Variants in RFC1 observed in about 807,000 individuals in gnomAD.
RFC1 encodes A1 140 kDa subunit.
A neutral mutation model predicts 137.4 loss-of-function variants in RFC1; 37 were observed. That is an observed-to-expected ratio of 0.27 (90% CI 0.21 to 0.35). RFC1 has a LOEUF of 0.35. RFC1 is among the 10% of genes least tolerant of loss of function. The pLI, the probability that RFC1 is intolerant of heterozygous loss-of-function variation, is 1.00. For synonymous variants in RFC1, 429 were observed against 455.7 expected, an observed-to-expected ratio of 0.94 and a Z score of 0.75; for missense variants, 1,205 against 1,358.5, an observed-to-expected ratio of 0.89 and a Z score of 1.78.
At chr4:39,337,486 G>C (rs933495565) in intron 4 of RFC1, among the ~76,000 whole-genome samples, 15 of 146,046 alleles carry the variant, frequency 1.0e-4, no homozygotes, top group Non-Finnish European at 1.3e-4. Context: ...CATTTACTTA[G>C]GTAATTTAAA....
intron 1 of RFC1, among the ~76,000 whole-genome samples, chr4:39,353,803 C>T (rs926879859): frequency 6.6e-6 from 1 of 152,162 alleles, no homozygotes; most frequent in African/African-American, 2.4e-5. Flanking sequence ...CACATACACA[C>T]AAAGACAGAG....
rs758283429 is a variant in RFC1, at chr4:39,302,487, A to G, written c.2436+13T>C. ...ATAATCAACAACTGTTACATGATAT[A>G]TATTTAATTTACCTGTCTGATATCT... On this transcript the variant is annotated intron_variant, in intron 18 of 24. Coordinates refer to ENST00000349703, the MANE Select transcript of RFC1 (RefSeq NM_002913.5). The G allele has an allele frequency of 7.1e-6, 11 of 1,544,042 alleles. No homozygotes were observed. The African/African-American group carries it at 1.2e-4, about 17-fold the overall frequency.
In RFC1 at chr4:39,317,014, A is replaced by G; in HGVS notation, c.1104T>C (p.Ser368=). The G allele has an allele frequency of 6.2e-7, 1 of 1,611,090 alleles. No individual in the cohort carries two copies. The highest frequency in any genetic ancestry group is 8.5e-7 in the Non-Finnish European group (1 of 1,177,560). ...KSSPAKKESV[S]PEDSEKKRTN... is the part of the protein sequence containing the mutation. Reference sequence around the variant, plus strand: ...TGCGTTTCTTTTCAGAATCTTCAGGACTTACAGACTTTGGGAACAGGGAAA... The same window carrying G: ...TGCGTTTCTTTTCAGAATCTTCAGGGCTTACAGACTTTGGGAACAGGGAAA... The change falls in exon 10 of 25, where the codon AGT becomes AGC. Residue 368 remains serine (S), a synonymous_variant. Transcript: ENST00000349703.
chr4:39,314,737 CCT>C (rs896428734), intron 10 of RFC1, among the ~76,000 whole-genome samples: 3 of 152,090 alleles, frequency 2.0e-5, no homozygotes, highest in Admixed American at 2.0e-4. Context: ...ACCATCTCTC[CCT>C]CTCTTTATTA....
chr4:39,364,969 A>T (rs1343306262), intron 1 of RFC1, among the ~76,000 whole-genome samples: 1 of 152,060 alleles, frequency 6.6e-6, no homozygotes, highest in Non-Finnish European at 1.5e-5. Context: ...AGCTTCCAAA[A>T]TACCACAGTG....
chr4:39,300,597 C>T (rs887048571), intron 19 of RFC1, among the ~76,000 whole-genome samples, 183 bp from the exon 20 acceptor site: 10 of 152,206 alleles, frequency 6.6e-5, no homozygotes, highest in Admixed American at 2.6e-4. Context: ...CCAGCAACCA[C>T]GCTTCTTGGT....
intron 7 of RFC1, 37 bp downstream of exon 7, chr4:39,323,303 G>C (rs745935857): frequency 5.1e-6 from 8 of 1,556,338 alleles, no homozygotes; most frequent in Non-Finnish European, 7.1e-6. Flanking sequence ...GATCTGTACT[G>C]TATATTCAGA....
rs768491668 is a variant in RFC1, at chr4:39,306,692, C to T, written c.1895G>A (p.Gly632Asp). 1.9e-6 allele frequency: 3 copies of T among 1,609,742 alleles called. No homozygotes were observed. The highest frequency in any genetic ancestry group is 1.1e-5 in the South Asian group (1 of 90,962). The change falls in exon 14 of 25, where the codon GGT (glycine) becomes GAT (aspartate). Residue 632 changes from glycine to aspartate, a missense_variant. Transcript: ENST00000349703. ...SSEDKKHAKF[G>D]KFSGKDDGSS... ...GCCATCATCTTTGCCGGAAAATTTA[C>T]CAAACTTTGCTGCTAGGAAAAAAGA...
At chr4:39,318,092 G>C (rs1371866036) in intron 9 of RFC1, 1 of 152,142 alleles carries the variant, frequency 6.6e-6, no homozygotes, top group Non-Finnish European at 1.5e-5. Flanking sequence ...AGGAGGCGGA[G>C]CTTGCAGTGA....
Position 39,291,723 on chromosome 4 carries a change from A to G in RFC1, c.3084T>C (p.Tyr1028=), listed in dbSNP as rs1397409518. ...TATTCTCAAAGTCTTCTTTCATCAA[A>G]TAATATGTGTCCATAAGTGCAACAA... ...QDVVALMDTY[Y]LMKEDFENIM... Residue 1028 remains tyrosine (Y), a synonymous_variant, in exon 23 of 25, where the codon TAT becomes TAC. Coordinates refer to ENST00000349703, the MANE Select transcript of RFC1 (RefSeq NM_002913.5). The G allele has an allele frequency of 6.2e-7, 1 of 1,614,128 alleles. No individual in the cohort carries two copies. The highest frequency in any genetic ancestry group is 8.5e-7 in the Non-Finnish European group (1 of 1,179,990).
At chr4:39,306,979 C>T (rs1299769195) in intron 13 of RFC1, among the ~76,000 whole-genome samples, 10 of 152,120 alleles carry the variant, frequency 6.6e-5, no homozygotes, top group African/African-American at 1.2e-4. Context: ...TTCCTGTGAA[C>T]GCACAGGCCA....
At chr4:39,306,102 T>C (rs762421500) in intron 14 of RFC1, among the ~76,000 whole-genome samples, 11 of 152,218 alleles carry the variant, frequency 7.2e-5, no homozygotes, top group Non-Finnish European at 1.3e-4. Flanking sequence ...TCAGTAGCAA[T>C]AGAGACAATA....
chr4:39,309,122 G>T, intron 12 of RFC1, 90 bp from the exon 13 acceptor site: 1 of 1,392,862 alleles, frequency 7.2e-7, no homozygotes, highest in Non-Finnish European at 9.6e-7. Flanking sequence ...AGCAATCAGA[G>T]ATATCCAAGT....
chr4:39,364,725 C>A (rs1363760447), intron 1 of RFC1, among the ~76,000 whole-genome samples: 1 of 152,092 alleles, frequency 6.6e-6, no homozygotes, highest in African/African-American at 2.4e-5. Flanking sequence ...GGAAGCTTTA[C>A]CTATACATCT....
chr4:39,338,922 C>T (rs957302819), intron 4 of RFC1, among the ~76,000 whole-genome samples: 1 of 152,112 alleles, frequency 6.6e-6, no homozygotes, highest in African/African-American at 2.4e-5. Context: ...CCATGTCCTC[C>T]CCAATGCCCC....
At chr4:39,320,077 C>T (rs189510001) in intron 9 of RFC1, among the ~76,000 whole-genome samples, 149 of 152,242 alleles carry the variant, frequency 9.8e-4, no homozygotes, top group African/African-American at 3.4e-3. Flanking sequence ...AGGCCGGGCG[C>T]GGTGGCTCAC....
At chr4:39,298,182 C>G (rs776916331) in intron 21 of RFC1, among the ~76,000 whole-genome samples, 1 of 152,046 alleles carries the variant, frequency 6.6e-6, no homozygotes, top group Non-Finnish European at 1.5e-5. Context: ...ATGGCGCACA[C>G]CTATGGTCCC....
chr4:39,302,393 T>C lies in RFC1; in HGVS notation c.2437-17A>G. 3 of 1,589,822 alleles carry C rather than the reference T, an allele frequency of 1.9e-6. No homozygotes were observed. The highest frequency in any genetic ancestry group is 2.6e-6 in the Non-Finnish European group (3 of 1,158,008). ...ATGTAAAACCTAAAAGAATCACAAA[T>C]AAGACAACGTCAAGATAGGAAAATC... On this transcript the variant is annotated splice_polypyrimidine_tract_variant and intron_variant, in intron 18 of 24. Transcript: ENST00000349703.
chr4:39,363,272 TTTTC>T (rs1207927921), intron 1 of RFC1, among the ~76,000 whole-genome samples: 2 of 152,198 alleles, frequency 1.3e-5, no homozygotes, highest in African/African-American at 4.8e-5. Flanking sequence ...TTATTTTTAA[TTTTC>T]TTTCTATTTA....
Sources: gnomAD v4.1 joint callset for allele counts (sites outside exome capture counted in the v4.1 genomes callset) on GRCh38, gnomAD v4.1.1 for gene constraint, MANE v1.5 for transcripts, NCBI Gene and HGNC (gene_info 2026-07-23, HGNC 2026-07-21) for gene names.